Variants in SLC9A9 observed in about 807,000 individuals in gnomAD.
SLC9A9 encodes the protein solute carrier family 9 member A9, also known as sodium/hydrogen exchanger 9.
In SLC9A9, 62 loss-of-function variants were observed where a neutral mutation model predicts 77.8. The observed-to-expected ratio is 0.80, with a 90% CI of 0.65 to 0.98. SLC9A9 has a LOEUF of 0.98. Ranked by LOEUF, SLC9A9 falls within the 50% of genes least tolerant of loss-of-function variation. The pLI, the probability that SLC9A9 is intolerant of heterozygous loss-of-function variation, is 0.00. For synonymous variants in SLC9A9, 320 were observed against 283.5 expected (o/e 1.13, Z -1.29); for missense variants, 775 against 774.9 (o/e 1.00, Z 0.00).
intron 8 of SLC9A9, among the ~76,000 whole-genome samples, chr3:143,567,697 A>G (rs2037190243): frequency 6.6e-6 from 1 of 152,198 alleles, no homozygotes; most frequent in Non-Finnish European, 1.5e-5. Flanking sequence ...AAGATGATCA[A>G]AATAAATCAA....
intron 5 of SLC9A9, among the ~76,000 whole-genome samples, chr3:143,687,810 T>C (rs1031677174): frequency 2.0e-5 from 3 of 152,072 alleles, no homozygotes; most frequent in African/African-American, 7.2e-5. Flanking sequence ...AAAATCGAAG[T>C]GGCTGCCCAA....
intron 4 of SLC9A9, among the ~76,000 whole-genome samples, chr3:143,761,700 A>G (rs1454779143): frequency 4.6e-5 from 7 of 152,072 alleles, no homozygotes; most frequent in East Asian, 1.9e-4. Flanking sequence ...AACAGGTGCT[A>G]GAGAGGATGT....
At chr3:143,722,417 G>A (rs1182535257) in intron 4 of SLC9A9, among the ~76,000 whole-genome samples, 1 of 138,976 alleles carries the variant, frequency 7.2e-6, no homozygotes, top group African/African-American at 2.7e-5. Flanking sequence ...AGCTTGCAGT[G>A]AGCCGAGATC....
chr3:143,410,349 C>G (rs2034069327), intron 12 of SLC9A9, among the ~76,000 whole-genome samples: 1 of 152,216 alleles, frequency 6.6e-6, no homozygotes, highest in African/African-American at 2.4e-5. Context: ...CTGCCTGCTT[C>G]AGGCATCTCC....
At chr3:143,714,082 A>C (rs1302947757) in intron 4 of SLC9A9, among the ~76,000 whole-genome samples, 2 of 151,940 alleles carry the variant, frequency 1.3e-5, no homozygotes, top group East Asian at 3.9e-4. Context: ...GTGTCGAAAA[A>C]CTCAACCTTC....
At chr3:143,304,158 A>T (rs1177252712) in intron 14 of SLC9A9, among the ~76,000 whole-genome samples, 1 of 152,170 alleles carries the variant, frequency 6.6e-6, no homozygotes, top group East Asian at 1.9e-4. Flanking sequence ...CTGCCACATA[A>T]CTTCATAATA....
chr3:143,441,829 C>CTCGT (rs1559917229), intron 12 of SLC9A9, among the ~76,000 whole-genome samples: 1 of 143,796 alleles, frequency 7.0e-6, no homozygotes, highest in East Asian at 2.0e-4. Context: ...GTGTCATTTA[C>CTCGT]TCATTCATCC....
chr3:143,484,875 C>G (rs1446038708), intron 11 of SLC9A9, among the ~76,000 whole-genome samples: 1 of 151,996 alleles, frequency 6.6e-6, no homozygotes, highest in African/African-American at 2.4e-5. Context: ...AAAAAGAGAC[C>G]AATAATGGGA....
chr3:143,609,292 G>A (rs1220609664), intron 6 of SLC9A9, among the ~76,000 whole-genome samples: 1 of 152,148 alleles, frequency 6.6e-6, no homozygotes, highest in African/African-American at 2.4e-5. Context: ...AAAAAAACAT[G>A]GTGATTGGCA....
intron 4 of SLC9A9, among the ~76,000 whole-genome samples, chr3:143,704,638 C>T (rs755068616): frequency 2.6e-5 from 4 of 152,066 alleles, no homozygotes; most frequent in Admixed American, 6.6e-5. Flanking sequence ...TTTATTGCAG[C>T]GCTACTCACA....
At chr3:143,796,940 C>T (rs368607633) in intron 2 of SLC9A9, 37 bp from the exon 3 acceptor site, 24 of 1,502,964 alleles carry the variant, frequency 1.6e-5, no homozygotes, top group South Asian at 9.1e-5. Flanking sequence ...TAGAATGATG[C>T]TCCTTTGGGT....
At chr3:143,766,098 GTTA>G (rs1304320506) in intron 4 of SLC9A9, among the ~76,000 whole-genome samples, 2 of 152,164 alleles carry the variant, frequency 1.3e-5, no homozygotes, top group Non-Finnish European at 2.9e-5. Context: ...CTCTTGAGCT[GTTA>G]TTGTCTTAAG....
intron 14 of SLC9A9, among the ~76,000 whole-genome samples, chr3:143,273,069 T>C (rs1055734523): frequency 3.3e-5 from 5 of 152,248 alleles, no homozygotes; most frequent in Non-Finnish European, 7.3e-5. Context: ...GATTGATCTT[T>C]TGTTGTTGTT....
chr3:143,513,962 G>A (rs111463601), intron 9 of SLC9A9, among the ~76,000 whole-genome samples: 3,087 of 152,062 alleles, frequency 0.02, 101 homozygotes, highest in African/African-American at 0.069. Flanking sequence ...TGTCATTTAC[G>A]TTAGGTATAT....
chr3:143,428,594 CAAATG>C (rs1175022629), intron 12 of SLC9A9, among the ~76,000 whole-genome samples: 8 of 152,064 alleles, frequency 5.3e-5, no homozygotes, highest in Non-Finnish European at 1.2e-4. Context: ...GGTGTGTATC[CAAATG>C]AAATGAAATC....
At chr3:143,650,145 G>A (rs756523855) in intron 6 of SLC9A9, among the ~76,000 whole-genome samples, 5 of 152,152 alleles carry the variant, frequency 3.3e-5, no homozygotes, top group African/African-American at 4.8e-5. Flanking sequence ...CAAAGGCATC[G>A]AGATACCACT....
chr3:143,488,608 G>A (rs1443130877), intron 11 of SLC9A9, among the ~76,000 whole-genome samples: 1 of 151,888 alleles, frequency 6.6e-6, no homozygotes, highest in African/African-American at 2.4e-5. Context: ...AAAAATCAAT[G>A]AGTGTAATAC....
At chr3:143,477,937 G>A (rs2035508554) in intron 11 of SLC9A9, among the ~76,000 whole-genome samples, 1 of 152,208 alleles carries the variant, frequency 6.6e-6, no homozygotes, top group African/African-American at 2.4e-5. Context: ...CAGGCAATGT[G>A]TTCAGCGGGT....
intron 4 of SLC9A9, among the ~76,000 whole-genome samples, chr3:143,696,686 C>T (rs1933651747): frequency 6.6e-6 from 1 of 152,124 alleles, no homozygotes; most frequent in Admixed American, 6.6e-5. Context: ...CACTATAGTT[C>T]TGAATTCTAT....
Sources: gnomAD v4.1 joint callset for allele counts (sites outside exome capture counted in the v4.1 genomes callset) on GRCh38, gnomAD v4.1.1 for gene constraint, MANE v1.5 for transcripts, NCBI Gene and HGNC (gene_info 2026-07-23, HGNC 2026-07-21) for gene names.